Variants in COL28A1 observed in about 807,000 individuals in gnomAD.
COL28A1 encodes collagen type XXVIII alpha 1 chain, also known as collagen alpha-1(XXVIII) chain.
A neutral mutation model predicts 150.2 loss-of-function variants in COL28A1; 161 were observed. The ratio of observed to expected loss-of-function variants is 1.07; its 90% CI spans 0.94 to 1.22. COL28A1 has a LOEUF of 1.22. COL28A1 is among the 50% of genes most tolerant of loss of function. The pLI is 0.00. For missense variants in COL28A1, 1,617 were observed against 1,388.3 expected, an observed-to-expected ratio of 1.16 and a Z score of -2.62; for synonymous variants, 552 against 469.7, an observed-to-expected ratio of 1.18 and a Z score of -2.26.
chr7:7,481,519 A>G (rs921654626), intron 13 of COL28A1, among the ~76,000 whole-genome samples: 4 of 152,218 alleles, frequency 2.6e-5, no homozygotes, highest in Non-Finnish European at 5.9e-5. Flanking sequence ...AAAAAATCTC[A>G]GTGTCCTTTC....
At chr7:7,401,024 G>A (rs1356509021) in intron 27 of COL28A1, among the ~76,000 whole-genome samples, 1 of 141,642 alleles carries the variant, frequency 7.1e-6, no homozygotes, top group East Asian at 2.1e-4. Context: ...GTGTGTGTGT[G>A]TACAGCTCTT....
chr7:7,369,590 G>C (rs773713975), intron 33 of COL28A1, among the ~76,000 whole-genome samples: 4 of 152,158 alleles, frequency 2.6e-5, no homozygotes. Flanking sequence ...TACCCATTTT[G>C]CAGTTGGTTA....
At chr7:7,415,619 C>T (rs887771332) in intron 27 of COL28A1, among the ~76,000 whole-genome samples, 2 of 152,122 alleles carry the variant, frequency 1.3e-5, no homozygotes, top group African/African-American at 4.8e-5. Flanking sequence ...CTGCAACCTC[C>T]GCCTCCAGGA....
the COL28A1 span, among the ~76,000 whole-genome samples, chr7:7,346,916 T>C: frequency 9.5e-4 from 144 of 152,236 alleles, no homozygotes; most frequent in Non-Finnish European, 1.5e-3. Flanking sequence ...CTTTTGATAC[T>C]GGAAGGATAA....
At chr7:7,524,326 C>T (rs973361958) in intron 3 of COL28A1, 77 bp from the exon 4 acceptor site, 7 of 853,398 alleles carry the variant, frequency 8.2e-6, no homozygotes, top group Admixed American at 7.3e-5. Context: ...ATAACTATTC[C>T]CTATGGGATA....
chr7:7,339,079 C>G, the COL28A1 span, among the ~76,000 whole-genome samples: 1 of 152,134 alleles, frequency 6.6e-6, no homozygotes, highest in Admixed American at 6.6e-5. Flanking sequence ...CACAGCCAGG[C>G]TCAGACTGAC....
chr7:7,498,728 G>A (rs1447028583), intron 11 of COL28A1, among the ~76,000 whole-genome samples: 1 of 152,142 alleles, frequency 6.6e-6, no homozygotes, highest in Non-Finnish European at 1.5e-5. Context: ...GGACATTGAT[G>A]TAATTACAAA....
chr7:7,342,513 C>A, the COL28A1 span, among the ~76,000 whole-genome samples: 2 of 150,262 alleles, frequency 1.3e-5, no homozygotes, highest in Admixed American at 6.6e-5. Flanking sequence ...TTTTGTTTTG[C>A]TTACTTTCTT....
intron 8 of COL28A1, among the ~76,000 whole-genome samples, chr7:7,512,024 T>C (rs1477678002): frequency 2.0e-5 from 3 of 152,218 alleles, no homozygotes; most frequent in Non-Finnish European, 4.4e-5. Flanking sequence ...TGGAATATTA[T>C]TCAGCCTTTG....
chr7:7,481,870 C>T (rs987614816), intron 13 of COL28A1, among the ~76,000 whole-genome samples: 3 of 151,924 alleles, frequency 2.0e-5, no homozygotes, highest in Non-Finnish European at 4.4e-5. Flanking sequence ...AATTATAGTT[C>T]CCTTTCAGGG....
chr7:7,511,646 A>T, intron 8 of COL28A1: 1 of 391,950 alleles, frequency 2.6e-6, no homozygotes, highest in South Asian at 2.0e-5. Context: ...CAGCCTGAGT[A>T]CCAACCTTGA....
At chr7:7,375,555 AG>A in intron 30 of COL28A1, 58 bp from the exon 31 acceptor site, 3 of 1,134,730 alleles carry the variant, frequency 2.6e-6, no homozygotes, top group Non-Finnish European at 3.7e-6. Context: ...TTTTTCCTAG[AG>A]CCATAAAAGA....
the COL28A1 span, among the ~76,000 whole-genome samples, chr7:7,340,836 C>G: frequency 2.6e-5 from 4 of 152,230 alleles, no homozygotes; most frequent in Admixed American, 2.6e-4. Context: ...TGCACACCAA[C>G]TGGGCATAAC....
At chr7:7,425,531 A>G (rs925164397) in intron 25 of COL28A1, among the ~76,000 whole-genome samples, 2 of 152,102 alleles carry the variant, frequency 1.3e-5, no homozygotes, top group Admixed American at 6.5e-5. Context: ...TCCGTTGCTA[A>G]TCCTTGGTTT....
chr7:7,468,010 GA>G (rs1788174471), intron 15 of COL28A1, among the ~76,000 whole-genome samples: 1 of 70,238 alleles, frequency 1.4e-5, no homozygotes, highest in Admixed American at 1.8e-4. Context: ...AAGCAGGAAA[GA>G]TCCAAAATTG....
chr7:7,540,508 T>G (rs1488667288), upstream of COL28A1, among the ~76,000 whole-genome samples: 1 of 152,196 alleles, frequency 6.6e-6, no homozygotes, highest in Non-Finnish European at 1.5e-5. Flanking sequence ...GGACAGATAT[T>G]AAGACCCACC....
At position 7,373,801 on chromosome 7, in the gene COL28A1, G is replaced by A. The variant is rs1383899849; in HGVS notation, c.2360-255C>T. On this transcript the variant is annotated intron_variant, in intron 31 of 34. Transcript: ENST00000399429. The surrounding 1 kb of genome is among the most constrained non-coding windows in gnomAD (Gnocchi z 4.1). ...GCAGGCTCCGTCCCCTGGGATTCAC[G>A]CCATTCTCCAGCCTCAGCCTCCCGA... Among the ~76,000 whole-genome samples the A allele has an allele frequency of 2.6e-5, 4 of 151,124 alleles. No homozygotes were observed. The highest frequency in any genetic ancestry group is 6.6e-5 in the Admixed American group (1 of 15,192).
chr7:7,447,319 C>T (rs74854779), intron 18 of COL28A1, among the ~76,000 whole-genome samples: 15,055 of 152,080 alleles, frequency 0.099, 906 homozygotes, highest in Middle Eastern at 0.21. Context: ...CTGTACATGC[C>T]TGTAATCCCA....
intron 3 of COL28A1, 130 bp from the exon 4 acceptor site, chr7:7,524,379 G>C (rs1257895408): frequency 1.5e-6 from 1 of 668,854 alleles, no homozygotes; most frequent in African/African-American, 1.8e-5. Flanking sequence ...TTTTAAACTT[G>C]TAAAAGCAAT....
Sources: gnomAD v4.1 joint callset for allele counts (sites outside exome capture counted in the v4.1 genomes callset) on GRCh38, gnomAD v4.1.1 for gene constraint, Gnocchi (gnomAD v3.1) non-coding constraint, MANE v1.5 for transcripts, NCBI Gene and HGNC (gene_info 2026-07-23, HGNC 2026-07-21) for gene names.